Variants in CSMD3 observed in about 807,000 individuals in gnomAD.
The protein encoded by CSMD3 is CUB and Sushi multiple domains 3.
A neutral mutation model predicts 435.2 loss-of-function variants in CSMD3; 177 were observed. The ratio of observed to expected loss-of-function variants is 0.41; its 90% confidence interval spans 0.36 to 0.46. The LOEUF (loss-of-function observed/expected upper bound fraction) is 0.46. Ranked by LOEUF, CSMD3 falls within the 20% of genes least tolerant of loss-of-function variation. CSMD3 has a pLI of 0.34. For synonymous variants in CSMD3, 1,656 were observed against 1,520.5 expected (o/e 1.09, Z -2.07); for missense variants, 4,265 against 4,504.6 (o/e 0.95, Z 1.52).
intron 16 of CSMD3, among the ~76,000 whole-genome samples, chr8:112,667,424 T>C (rs1352542034): frequency 2.0e-5 from 3 of 152,208 alleles, no homozygotes; most frequent in Non-Finnish European, 4.4e-5. Flanking sequence ...TCTAGCTCTA[T>C]GGATTTCATC....
chr8:112,383,130 A>G (rs1037638519), intron 37 of CSMD3, among the ~76,000 whole-genome samples: 17 of 152,198 alleles, frequency 1.1e-4, no homozygotes, highest in African/African-American at 4.1e-4. Context: ...TATTCATTTC[A>G]TAGAAATAAT....
chr8:112,404,748 G>GT (rs2129978982), intron 35 of CSMD3, among the ~76,000 whole-genome samples: 1 of 152,018 alleles, frequency 6.6e-6, no homozygotes, highest in South Asian at 2.1e-4. Flanking sequence ...TTATTAAAAA[G>GT]TAATTTTATA....
chr8:112,752,355 T>C (rs981038812), intron 13 of CSMD3, among the ~76,000 whole-genome samples: 4 of 152,168 alleles, frequency 2.6e-5, no homozygotes, highest in Non-Finnish European at 5.9e-5. Flanking sequence ...CATAATCTTA[T>C]GCTTTAAGTA....
chr8:113,273,205 C>T (rs750402381), intron 3 of CSMD3, among the ~76,000 whole-genome samples: 2 of 151,948 alleles, frequency 1.3e-5, no homozygotes, highest in South Asian at 4.2e-4. Context: ...TGAGATCCCA[C>T]TCATGGGATA....
At chr8:112,304,672 G>T (rs750563194) in intron 52 of CSMD3, 49 bp downstream of exon 52, 1 of 1,398,298 alleles carries the variant, frequency 7.2e-7, no homozygotes, top group South Asian at 1.2e-5. Context: ...CAAACAATTC[G>T]ATAACCAAAC....
intron 1 of CSMD3, among the ~76,000 whole-genome samples, chr8:113,418,104 C>T (rs902230036): frequency 6.6e-6 from 1 of 152,038 alleles, no homozygotes; most frequent in African/African-American, 2.4e-5. Flanking sequence ...TATAGAATTG[C>T]TAAGAACACA....
At chr8:112,892,775 A>C (rs1295516047) in intron 10 of CSMD3, among the ~76,000 whole-genome samples, 2 of 151,290 alleles carry the variant, frequency 1.3e-5, no homozygotes, top group Admixed American at 1.3e-4. Context: ...TTATTCCCTC[A>C]GTTTTTCTTC....
chr8:112,938,133 C>G (rs2083342189), intron 9 of CSMD3, among the ~76,000 whole-genome samples: 1 of 152,112 alleles, frequency 6.6e-6, no homozygotes, highest in South Asian at 2.1e-4. Flanking sequence ...AATCTGAGAC[C>G]AGTTTTATCT....
chr8:112,690,762 T>C (rs1462792072), intron 13 of CSMD3, among the ~76,000 whole-genome samples: 1 of 152,100 alleles, frequency 6.6e-6, no homozygotes. Flanking sequence ...ACTTCAAATA[T>C]CTGGGATCAT....
intron 10 of CSMD3, among the ~76,000 whole-genome samples, chr8:112,874,274 CTGTT>C (rs1166515952): frequency 4.0e-4 from 61 of 152,236 alleles, no homozygotes; most frequent in African/African-American, 1.3e-3. Flanking sequence ...GTATGAGAGA[CTGTT>C]TGTTATGATT....
chr8:112,894,894 C>T (rs1280503102), intron 10 of CSMD3, among the ~76,000 whole-genome samples: 1 of 150,778 alleles, frequency 6.6e-6, no homozygotes, highest in Non-Finnish European at 1.5e-5. Flanking sequence ...TAGTATTTAT[C>T]ATAGATAAGC....
chr8:112,698,487 T>G (rs1238074518), intron 13 of CSMD3, among the ~76,000 whole-genome samples: 1 of 151,898 alleles, frequency 6.6e-6, no homozygotes, highest in African/African-American at 2.4e-5. Context: ...CATTCTTCAC[T>G]AAAGGGAACC....
chr8:112,464,237 CAAA>C (rs34572260), intron 32 of CSMD3, among the ~76,000 whole-genome samples: 10 of 81,208 alleles, frequency 1.2e-4, no homozygotes, highest in African/African-American at 2.3e-4. Flanking sequence ...GACTCTGTTT[CAAA>C]AAAAAAAAAA....
intron 5 of CSMD3, among the ~76,000 whole-genome samples, chr8:113,041,370 T>C (rs1277073035): frequency 2.0e-5 from 3 of 152,072 alleles, no homozygotes; most frequent in African/African-American, 7.2e-5. Flanking sequence ...AGAATTCCAC[T>C]CTCACTTCTC....
At chr8:112,336,022 C>T (rs1824524743) in intron 44 of CSMD3, among the ~76,000 whole-genome samples, 4 of 152,084 alleles carry the variant, frequency 2.6e-5, no homozygotes, top group Admixed American at 2.6e-4. Context: ...AAGGGATCCT[C>T]TCATCTCAGC....
chr8:112,457,441 C>T (rs946847228), intron 32 of CSMD3, among the ~76,000 whole-genome samples: 1 of 152,194 alleles, frequency 6.6e-6, no homozygotes, highest in South Asian at 2.1e-4. Context: ...AATCCTACAG[C>T]ATGCTCTGTG....
chr8:113,406,315 C>A (rs2094532579), intron 1 of CSMD3, among the ~76,000 whole-genome samples: 1 of 151,580 alleles, frequency 6.6e-6, no homozygotes, highest in Admixed American at 6.6e-5. Context: ...TTTGGGGGAA[C>A]CATGAGAGGT....
intron 13 of CSMD3, among the ~76,000 whole-genome samples, chr8:112,755,844 A>G (rs1046000137): frequency 2.7e-5 from 4 of 149,350 alleles, no homozygotes; most frequent in South Asian, 2.1e-4. Flanking sequence ...TACTTTGTTA[A>G]TATGTCCATA....
intron 3 of CSMD3, among the ~76,000 whole-genome samples, chr8:113,236,191 A>C (rs1799079041): frequency 6.6e-6 from 1 of 152,298 alleles, no homozygotes; most frequent in Non-Finnish European, 1.5e-5. Context: ...TGCCGAGCAC[A>C]TGTTCCAACT....
Sources: gnomAD v4.1 joint callset for allele counts (sites outside exome capture counted in the v4.1 genomes callset) on GRCh38, gnomAD v4.1.1 for gene constraint, MANE v1.5 for transcripts, NCBI Gene and HGNC (gene_info 2026-07-23, HGNC 2026-07-21) for gene names.